The following LGR4 variants were observed in gnomAD, a reference collection of about 807,000 sequenced individuals.
LGR4 encodes leucine rich repeat containing G protein-coupled receptor 4, also known as leucine-rich repeat-containing G protein-coupled receptor 4.
A neutral mutation model predicts 84.8 loss-of-function variants in LGR4; 44 were observed. The observed-to-expected ratio is 0.52, with a 90% CI of 0.41 to 0.67. LGR4 has a LOEUF of 0.67. LGR4 is among the 30% of genes least tolerant of loss of function. The pLI, the probability that LGR4 is intolerant of heterozygous loss-of-function variation, is 0.00. For synonymous variants in LGR4, 429 were observed against 434.3 expected (o/e 0.99, Z 0.15); for missense variants, 1,032 against 1,131.4 (o/e 0.91, Z 1.26).
At chr11:27,394,631 G>A (rs990909008) in intron 2 of LGR4, among the ~76,000 whole-genome samples, 1 of 152,088 alleles carries the variant, frequency 6.6e-6, no homozygotes, top group Non-Finnish European at 1.5e-5. Flanking sequence ...TCGAATTCCT[G>A]ACCTCAAATG....
chr11:27,434,395 G>A (rs1245147139), intron 1 of LGR4, among the ~76,000 whole-genome samples: 2 of 152,184 alleles, frequency 1.3e-5, no homozygotes, highest in Non-Finnish European at 2.9e-5. Context: ...ATTCCAAAAT[G>A]TTTAATATAG....
chr11:27,387,784 C>T (rs1252339333), intron 4 of LGR4, among the ~76,000 whole-genome samples: 1 of 152,098 alleles, frequency 6.6e-6, no homozygotes, highest in African/African-American at 2.4e-5. Context: ...TTTTATCATG[C>T]TGATGATGTA....
chr11:27,412,941 G>GC (rs1565084444), intron 1 of LGR4, 81 bp from the exon 2 acceptor site: 1 of 932,682 alleles, frequency 1.1e-6, no homozygotes, highest in African/African-American at 1.6e-5. Flanking sequence ...AACTAACTAG[G>GC]TGTTACAATT....
At chr11:27,381,685 G>A (rs1449983281) in intron 7 of LGR4, among the ~76,000 whole-genome samples, 6 of 144,598 alleles carry the variant, frequency 4.1e-5, no homozygotes, top group African/African-American at 1.0e-4. Context: ...GTGAGACTCC[G>A]TCTCAAAACA....
intron 6 of LGR4, among the ~76,000 whole-genome samples, chr11:27,382,601 T>G (rs1863117435): frequency 6.6e-6 from 1 of 152,176 alleles, no homozygotes; most frequent in South Asian, 2.1e-4. Context: ...TCATTGAATA[T>G]CCATTTGTAA....
chr11:27,439,010 G>A (rs1029102339), intron 1 of LGR4, among the ~76,000 whole-genome samples: 1 of 152,012 alleles, frequency 6.6e-6, no homozygotes, highest in Non-Finnish European at 1.5e-5. Flanking sequence ...CCTACAACAA[G>A]AATTATCCAG....
chr11:27,410,070 A>G (rs1473778165), intron 2 of LGR4, among the ~76,000 whole-genome samples: 1 of 152,188 alleles, frequency 6.6e-6, no homozygotes, highest in African/African-American at 2.4e-5. Flanking sequence ...AAATGTGGCT[A>G]GTTCAACTAA....
intron 1 of LGR4, among the ~76,000 whole-genome samples, chr11:27,454,061 T>G (rs899254620): frequency 6.6e-6 from 1 of 152,228 alleles, no homozygotes; most frequent in Non-Finnish European, 1.5e-5. Context: ...ATGATAAAAC[T>G]TTGGTCTCCA....
At chr11:27,450,710 C>A (rs1263101600) in intron 1 of LGR4, among the ~76,000 whole-genome samples, 1 of 152,118 alleles carries the variant, frequency 6.6e-6, no homozygotes, top group Admixed American at 6.6e-5. Context: ...ATCCCTTGAA[C>A]CCGGGAGGCA....
chr11:27,392,322 G>A (rs1424813159), intron 3 of LGR4, 125 bp downstream of exon 3: 5 of 692,862 alleles, frequency 7.2e-6, no homozygotes, highest in Non-Finnish European at 9.2e-6. Flanking sequence ...ACTACTCACT[G>A]GCCACTCCTT....
At chr11:27,456,484 G>T (rs1443288716) in intron 1 of LGR4, among the ~76,000 whole-genome samples, 1 of 152,116 alleles carries the variant, frequency 6.6e-6, no homozygotes, top group Admixed American at 6.5e-5. Context: ...TGAGTGAAAG[G>T]GGGCAGCTAT....
In LGR4 at chr11:27,415,734, G is replaced by A. The variant is rs1434200663; in HGVS notation, c.186-2874C>T. Among the ~76,000 whole-genome samples, 5 of 152,240 alleles carry A rather than the reference G, an allele frequency of 3.3e-5. No homozygotes were observed. In the South Asian group the frequency reaches 1.0e-3, roughly 31 times the overall value. Reference sequence around the variant, plus strand: ...ACATTTATGAAGTAAAAAGTTGGGTGTGGGGGCAGTGGTGAGCTACAAGAT... The same window carrying A: ...ACATTTATGAAGTAAAAAGTTGGGTATGGGGGCAGTGGTGAGCTACAAGAT... On this transcript the variant is annotated intron_variant, in intron 1 of 17. Transcript: ENST00000379214.
chr11:27,407,483 T>C (rs1863633649), intron 2 of LGR4, among the ~76,000 whole-genome samples: 2 of 152,150 alleles, frequency 1.3e-5, no homozygotes, highest in African/African-American at 4.8e-5. Context: ...AAATAAGTAA[T>C]AATAAACTCC....
intron 1 of LGR4, chr11:27,471,792 G>A (rs1590421755): frequency 5.0e-6 from 1 of 200,940 alleles, no homozygotes; most frequent in Non-Finnish European, 9.9e-6. Flanking sequence ...AGGGGCAAGC[G>A]TTTTTAGATT....
At chr11:27,440,937 A>G (rs979325143) in intron 1 of LGR4, among the ~76,000 whole-genome samples, 1 of 152,222 alleles carries the variant, frequency 6.6e-6, no homozygotes, top group Non-Finnish European at 1.5e-5. Flanking sequence ...TACACATTAT[A>G]GTGGCACAAC....
intron 2 of LGR4, among the ~76,000 whole-genome samples, chr11:27,409,559 A>G (rs1459899504): frequency 1.3e-5 from 2 of 152,112 alleles, no homozygotes; most frequent in Non-Finnish European, 2.9e-5. Flanking sequence ...CAAAAACCCT[A>G]GTCTCATTCC....
At chr11:27,435,348 AAACAAC>A (rs200560391) in intron 1 of LGR4, among the ~76,000 whole-genome samples, 1 of 151,628 alleles carries the variant, frequency 6.6e-6, no homozygotes, top group Non-Finnish European at 1.5e-5. Context: ...ACAAACAAAC[AAACAAC>A]AACAACAACA....
At chr11:27,449,636 A>G (rs1427137746) in intron 1 of LGR4, among the ~76,000 whole-genome samples, 1 of 152,086 alleles carries the variant, frequency 6.6e-6, no homozygotes, top group East Asian at 1.9e-4. Flanking sequence ...AAAGAAAAAA[A>G]AAAGAAGAAG....
chr11:27,447,347 G>A lies in LGR4; in HGVS notation c.185+24771C>T, dbSNP rs1265082840. 3.3e-5 allele frequency among the ~76,000 whole-genome samples: 5 copies of A among 152,132 alleles called. No homozygotes were observed. In the East Asian group the frequency reaches 5.8e-4, roughly 18 times the overall value. ...CTGCCAAAACCAAGGTGGTGTAAGC[G>A]TCCTCTGGACATCCTCACTGCTCAT... is the stretch of plus-strand genomic sequence containing the variant. On this transcript the variant is annotated intron_variant, in intron 1 of 17. Transcript: ENST00000379214.
Sources: allele counts gnomAD v4.1 joint callset (sites outside exome capture counted in the v4.1 genomes callset), GRCh38; gene constraint gnomAD v4.1.1; transcripts MANE v1.5; gene names NCBI Gene and HGNC (gene_info 2026-07-23, HGNC 2026-07-21).